Variants in ANKRD17 observed in about 807,000 individuals in gnomAD.
ANKRD17 encodes the protein ankyrin repeat domain-containing protein 17.
Under a neutral mutation model 229.7 loss-of-function variants are expected in ANKRD17, and 19 were observed. The ratio of observed to expected loss-of-function variants is 0.08; its 90% CI spans 0.06 to 0.12. ANKRD17 has a LOEUF of 0.12. ANKRD17 is among the 10% of genes least tolerant of loss of function. ANKRD17 has a pLI of 1.00. For synonymous variants in ANKRD17, 1,112 were observed against 1,146.1 expected, an observed-to-expected ratio of 0.97 and a Z score of 0.60; for missense variants, 2,176 against 3,176.8, an observed-to-expected ratio of 0.68 and a Z score of 7.57.
At chr4:73,183,551 T>C (rs1578309164) in intron 1 of ANKRD17, among the ~76,000 whole-genome samples, 1 of 152,082 alleles carries the variant, frequency 6.6e-6, no homozygotes, top group Admixed American at 6.6e-5. Context: ...GCCTCCTGGG[T>C]TCAAGCGATT....
Position 73,179,516 on chromosome 4 carries a change from A to ATTTTTTT in ANKRD17, c.394-1984_394-1983insAAAAAAA, listed in dbSNP as rs1329977316. The stretch of plus-strand genomic sequence containing the variant: ...TATATATATATATATATATATATAT[A>ATTTTTTT]TATTTTTTTTTTTTTTTTTAAAGAG... On this transcript the variant is annotated intron_variant, in intron 1 of 33. Transcript: ENST00000358602. Among the ~76,000 whole-genome samples the ATTTTTTT allele has an allele frequency of 1.0e-3, 57 of 57,144 alleles. 2 individuals are homozygous for ATTTTTTT. Among genetic ancestry groups the ATTTTTTT allele is most frequent in the East Asian group, 8.9e-3 (13 of 1,458 alleles). 37.5% of individuals were successfully genotyped at this position (57,144 alleles called of 152,430 possible). A position where few individuals can be genotyped will look rare whatever the true frequency, so the allele number is the denominator to read the frequency against.
In ANKRD17 at chr4:73,084,854, A is replaced by T. The variant is rs1020334405; in HGVS notation, c.7159+395T>A. On this transcript the variant is annotated intron_variant, in intron 30 of 33. Coordinates refer to ENST00000358602, the MANE Select transcript of ANKRD17 (RefSeq NM_032217.5). ...CAAAACTAAAAGTAAACATAAATTA[A>T]TAACAGGTACAAGGATTAATTTTTT... is the stretch of plus-strand genomic sequence containing the variant. Among the ~76,000 whole-genome samples the T allele has an allele frequency of 4.6e-5, 7 of 152,194 alleles. No individual in the cohort carries two copies. The East Asian group carries it at 7.7e-4, about 17-fold the overall frequency.
intron 1 of ANKRD17, among the ~76,000 whole-genome samples, chr4:73,196,573 T>A (rs892416058): frequency 1.7e-4 from 26 of 152,204 alleles, no homozygotes; most frequent in Admixed American, 5.9e-4. Context: ...CATATACTTA[T>A]GTCTGATTTT....
intron 17 of ANKRD17, 26 bp from the exon 18 acceptor site, chr4:73,125,084 C>T (rs761184764): frequency 6.2e-7 from 1 of 1,612,702 alleles, no homozygotes; most frequent in Non-Finnish European, 8.5e-7. Flanking sequence ...GATCTTCTCA[C>T]TACATGCTAA....
At chr4:73,189,431 A>C (rs1463160950) in intron 1 of ANKRD17, among the ~76,000 whole-genome samples, 1 of 80,538 alleles carries the variant, frequency 1.2e-5, no homozygotes, top group Non-Finnish European at 2.3e-5. Context: ...TTTGAAACGG[A>C]GTCCCACTCT....
At chr4:73,242,705 G>A (rs1744153470) in intron 1 of ANKRD17, among the ~76,000 whole-genome samples, 1 of 152,092 alleles carries the variant, frequency 6.6e-6, no homozygotes, top group African/African-American at 2.4e-5. Flanking sequence ...AACATATTAG[G>A]CTGAATCATA....
chr4:73,211,105 T>C (rs1740189954), intron 1 of ANKRD17, among the ~76,000 whole-genome samples: 1 of 152,066 alleles, frequency 6.6e-6, no homozygotes, highest in African/African-American at 2.4e-5. Context: ...TCGCTAAAAA[T>C]TAACCATATA....
chr4:73,125,776 T>G (rs932475441), intron 16 of ANKRD17, among the ~76,000 whole-genome samples: 4 of 151,694 alleles, frequency 2.6e-5, no homozygotes, highest in African/African-American at 9.7e-5. Flanking sequence ...CAAGGTTTAC[T>G]TGTTTCCATA....
At chr4:73,080,061 G>T (rs964562856) in intron 30 of ANKRD17, among the ~76,000 whole-genome samples, 1 of 152,098 alleles carries the variant, frequency 6.6e-6, no homozygotes, top group Non-Finnish European at 1.5e-5. Flanking sequence ...AGCCGAGATC[G>T]TGTCACTGCA....
intron 8 of ANKRD17, 105 bp downstream of exon 8, chr4:73,148,705 GCTC>G (rs1730617517): frequency 1.0e-6 from 1 of 971,484 alleles, no homozygotes; most frequent in Admixed American, 2.2e-5. Flanking sequence ...TTGTGTAATA[GCTC>G]ATTGCAACTC....
chr4:73,203,970 T>G (rs1220104705), intron 1 of ANKRD17, among the ~76,000 whole-genome samples: 1 of 151,988 alleles, frequency 6.6e-6, no homozygotes, highest in Non-Finnish European at 1.5e-5. Flanking sequence ...AAAACCATCA[T>G]GTGCACAGAA....
At chr4:73,113,952 C>A in intron 23 of ANKRD17, 44 bp from the exon 24 acceptor site, 1 of 1,394,388 alleles carries the variant, frequency 7.2e-7, no homozygotes, top group Non-Finnish European at 1.0e-6. Flanking sequence ...CAGAACAATT[C>A]TCACTTAGAG....
chr4:73,124,789 A>G (rs1727219633), intron 18 of ANKRD17, 124 bp downstream of exon 18: 1 of 1,194,498 alleles, frequency 8.4e-7, no homozygotes, highest in African/African-American at 1.5e-5. Context: ...AATAGATAAT[A>G]GTTTCAGTTA....
At chr4:73,186,982 A>T (rs1343926785) in intron 1 of ANKRD17, among the ~76,000 whole-genome samples, 1 of 152,150 alleles carries the variant, frequency 6.6e-6, no homozygotes, top group Non-Finnish European at 1.5e-5. Flanking sequence ...ACACACATAT[A>T]TACACACCAC....
At chr4:73,137,553 C>T (rs1268113255) in intron 15 of ANKRD17, among the ~76,000 whole-genome samples, 2 of 151,940 alleles carry the variant, frequency 1.3e-5, no homozygotes, top group African/African-American at 4.8e-5. Context: ...TACATCCTAC[C>T]ACAGAAATTT....
intron 31 of ANKRD17, 39 bp downstream of exon 31, chr4:73,078,603 A>C (rs1188063942): frequency 6.3e-7 from 1 of 1,589,370 alleles, no homozygotes; most frequent in Non-Finnish European, 8.6e-7. Flanking sequence ...AGTTAAATGC[A>C]TTAAGTTAAT....
chr4:73,171,178 G>GGTGAGAGA (rs1553928534), intron 2 of ANKRD17, among the ~76,000 whole-genome samples: 1 of 104,446 alleles, frequency 9.6e-6, no homozygotes, highest in Non-Finnish European at 1.8e-5. Context: ...CTCAGAGGGG[G>GGTGAGAGA]GAGAGAGAGA....
rs1291120014 is a variant in ANKRD17 at position 73,255,213 on chromosome 4, T to C, written c.393+3063A>G. ...CTACTCCAATGTCTAGAAATTATAT[T>C]CTTATTGTTCAACAATTAAATGAAG... On this transcript the variant is annotated intron_variant, in intron 1 of 33. Coordinates refer to ENST00000358602, the MANE Select transcript of ANKRD17 (RefSeq NM_032217.5). 2.0e-5 allele frequency among the ~76,000 whole-genome samples: 3 copies of C among 152,220 alleles called. No homozygotes were observed. The South Asian group carries it at 6.2e-4, about 31-fold the overall frequency.
chr4:73,122,835 G>A (rs1348282639), intron 18 of ANKRD17, among the ~76,000 whole-genome samples: 1 of 152,092 alleles, frequency 6.6e-6, no homozygotes, highest in South Asian at 2.1e-4. Flanking sequence ...AAACAGTATA[G>A]TAGAAAACTC....
Sources: allele counts gnomAD v4.1 joint callset (sites outside exome capture counted in the v4.1 genomes callset), GRCh38; gene constraint gnomAD v4.1.1; transcripts MANE v1.5; gene names NCBI Gene and HGNC (gene_info 2026-07-23, HGNC 2026-07-21).